Variants in TMEM127 observed in about 807,000 individuals in gnomAD.
TMEM127 encodes transmembrane protein 127.
In TMEM127, 21 loss-of-function variants were observed where a neutral mutation model predicts 20.1. The observed-to-expected ratio is 1.04, with a 90% CI of 0.74 to 1.50. The LOEUF (loss-of-function observed/expected upper bound fraction) is 1.50. Among genes scored for constraint, TMEM127 ranks in the 40% most tolerant of loss-of-function variants. The pLI is 0.00. For synonymous variants in TMEM127, 150 were observed against 144.7 expected, an observed-to-expected ratio of 1.04 and a Z score of -0.26; for missense variants, 303 against 317.4, an observed-to-expected ratio of 0.95 and a Z score of 0.34.
chr2:96,251,499 G>C lies in TMEM127; in HGVS notation c.*2309C>G, dbSNP rs1558750477. 4.5e-6 allele frequency: 1 copy of C among 223,388 alleles called. No homozygotes were observed. Among genetic ancestry groups the C allele is most frequent in the Non-Finnish European group, 8.9e-6 (1 of 111,806 alleles). 13.8% of individuals were successfully genotyped at this position (223,388 alleles called of 1,614,324 possible). On this transcript the variant is annotated 3_prime_UTR_variant, in exon 4 of 4. Transcript: ENST00000258439. ...CATGCCACGTTACACTCCAGCCCGGGTGACAGAGCGAGACTCTTGTCTCAA... is the reference window on the plus strand; with the variant it reads ...CATGCCACGTTACACTCCAGCCCGGCTGACAGAGCGAGACTCTTGTCTCAA...
chr2:96,260,308 C>T (rs1226822371), intron 2 of TMEM127, among the ~76,000 whole-genome samples: 4 of 152,170 alleles, frequency 2.6e-5, no homozygotes, highest in African/African-American at 9.7e-5. Flanking sequence ...CCTTCCTAGA[C>T]GTCGGTACAG....
At chr2:96,258,071 T>G (rs1684246038) in intron 2 of TMEM127, among the ~76,000 whole-genome samples, 1 of 152,200 alleles carries the variant, frequency 6.6e-6, no homozygotes, top group South Asian at 2.1e-4. Context: ...TTCCTGAACT[T>G]GATCTCAGGC....
intron 2 of TMEM127, among the ~76,000 whole-genome samples, chr2:96,257,414 A>G (rs867496049): frequency 2.6e-5 from 4 of 152,078 alleles, no homozygotes; most frequent in Non-Finnish European, 5.9e-5. Flanking sequence ...GTGAGCCGAC[A>G]TCGTGTCACT....
At position 96,249,091 on chromosome 2, in the gene TMEM127, G is replaced by T. The variant is rs951460109; in HGVS notation, c.*4717C>A. The T allele has an allele frequency of 6.7e-4, 148 of 220,152 alleles. No individual in the cohort carries two copies. In the Middle Eastern group the frequency reaches 8.4e-3, roughly 12 times the overall value. 13.6% of individuals were successfully genotyped at this position (220,152 alleles called of 1,614,324 possible). On this transcript the variant is annotated 3_prime_UTR_variant, in exon 4 of 4. Coordinates refer to ENST00000258439, the MANE Select transcript of TMEM127 (RefSeq NM_017849.4). ...GTGAGGAACCTGTGTGTGTGTGTGT[G>T]GTGTGTGTGTGTGTGTGTGTGTGTG...
chr2:96,261,338 C>T (rs1218552059), intron 2 of TMEM127, among the ~76,000 whole-genome samples: 3 of 151,490 alleles, frequency 2.0e-5, no homozygotes, highest in Non-Finnish European at 4.4e-5. Flanking sequence ...TGCAGAGGCA[C>T]GACGATAGTT....
rs1404897312 is a variant in TMEM127, at chr2:96,251,679, T to C, written c.*2129A>G. On this transcript the variant is annotated 3_prime_UTR_variant, in exon 4 of 4. Transcript: ENST00000258439. ...TCGTGGTTTCTGGTTTTTTTGGTTT[T>C]GTTTTCCCTTTTAATTTTTTTCTAG... 4.3e-6 allele frequency: 1 copy of C among 233,090 alleles called. No homozygotes were observed. Among genetic ancestry groups the C allele is most frequent in the African/African-American group, 2.2e-5 (1 of 45,308 alleles). The allele number at this position is 233,090 out of a possible 1,614,324, so 14.4% of individuals were successfully genotyped here.
At chr2:96,264,119 C>T (rs1228629088) in intron 2 of TMEM127, among the ~76,000 whole-genome samples, 1 of 152,206 alleles carries the variant, frequency 6.6e-6, no homozygotes, top group South Asian at 2.1e-4. Flanking sequence ...AGAAAGGCAA[C>T]ATTTGGCCAC....
rs2104282548 is a variant in TMEM127, at chr2:96,253,817, G to A, written c.708C>T (p.Tyr236=). 3 of 1,610,248 alleles carry A rather than the reference G, an allele frequency of 1.9e-6. No homozygotes were observed. Among genetic ancestry groups the A allele is most frequent in the Non-Finnish European group, 2.5e-6 (3 of 1,176,850 alleles). The change falls in exon 4 of 4, where the codon TAC becomes TAT. Residue 236 remains tyrosine, a synonymous_variant. Transcript: ENST00000258439. This position sits in a 1 kb window ranked among gnomAD's most constrained non-coding sequence, Gnocchi z 4.3. Reference sequence around the variant, plus strand: ...GAGCCCAGGGCTGGCATTAGGGTGTGTAAGCAGGGGGTGGCTGGAACTGGT... The same window carrying A: ...GAGCCCAGGGCTGGCATTAGGGTGTATAAGCAGGGGGTGGCTGGAACTGGT... The part of the protein sequence containing the change: ...VINQFQPPPA[Y]TP
rs1684054492 is a variant in TMEM127 at position 96,250,014 on chromosome 2, C to T, written c.*3794G>A. 8.6e-6 allele frequency: 2 copies of T among 233,346 alleles called. No individual in the cohort carries two copies. The highest frequency in any genetic ancestry group is 1.7e-5 in the Non-Finnish European group (2 of 118,128). 14.5% of individuals were successfully genotyped at this position (233,346 alleles called of 1,614,324 possible). A position where few individuals can be genotyped will look rare whatever the true frequency, so the allele number is the denominator to read the frequency against. ...GGCTCCCGCATTCCCAACTCCAGCA[C>T]CTGGCTGAGACACTGGGCCCTGGGA... On this transcript the variant is annotated 3_prime_UTR_variant, in exon 4 of 4. Transcript: ENST00000258439.
rs1182765406 is a variant in TMEM127 at position 96,254,129 on chromosome 2, G to A, written c.410-14C>T. The A allele has an allele frequency of 6.2e-7, 1 of 1,612,876 alleles. No homozygotes were observed. Among genetic ancestry groups the A allele is most frequent in the Non-Finnish European group, 8.5e-7 (1 of 1,180,008 alleles). ...CACACTGCAGAACTAGGAGACAGAG[G>A]GACAGCACAGAAGGGGAATTAGTGA... On this transcript the variant is annotated splice_polypyrimidine_tract_variant and intron_variant, in intron 3 of 3. Transcript: ENST00000258439.
At position 96,265,200 on chromosome 2, in the gene TMEM127, C is replaced by A; in HGVS notation, c.182G>T (p.Cys61Phe). ...GGAGACCCCCAGCTCCTGGCGCGAA[C>A]AGGTGCCTCCGTGGATGTGCAACCA... The part of the protein sequence containing the change: ...PAWLHIHGGT[C>F]SRQELGVSDV... The change falls in exon 2 of 4, where the codon TGT becomes TTT. Residue 61 changes from cysteine (C) to phenylalanine (F), a missense_variant. Coordinates refer to ENST00000258439, the MANE Select transcript of TMEM127 (RefSeq NM_017849.4). 1 of 1,608,410 alleles carries A rather than the reference C, an allele frequency of 6.2e-7. No individual in the cohort carries two copies. Among genetic ancestry groups the A allele is most frequent in the Non-Finnish European group, 8.5e-7 (1 of 1,178,738 alleles).
chr2:96,261,829 C>T (rs1488219611), intron 2 of TMEM127, among the ~76,000 whole-genome samples: 1 of 152,138 alleles, frequency 6.6e-6, no homozygotes, highest in African/African-American at 2.4e-5. Context: ...AAAAAGCAGG[C>T]ATGGGGTGTG....
chr2:96,260,373 G>T (rs1684291493), intron 2 of TMEM127: 1 of 152,230 alleles, frequency 6.6e-6, no homozygotes, highest in Non-Finnish European at 1.5e-5. Context: ...GAAAACCCCT[G>T]AAGGTTATGT....
chr2:96,257,685 G>A (rs777604174), intron 2 of TMEM127, among the ~76,000 whole-genome samples: 4 of 152,178 alleles, frequency 2.6e-5, no homozygotes, highest in Non-Finnish European at 5.9e-5. Flanking sequence ...AGGCCGAGGT[G>A]GGTGGATCGC....
rs71301417 is a variant in TMEM127 at position 96,249,091 on chromosome 2, G to GGTGTGT, written c.*4711_*4716dup. On this transcript the variant is annotated 3_prime_UTR_variant, in exon 4 of 4. Transcript: ENST00000258439. ...GTGAGGAACCTGTGTGTGTGTGTGT[G>GGTGTGT]GTGTGTGTGTGTGTGTGTGTGTGTG... is the stretch of plus-strand genomic sequence containing the variant. 2.0e-3 allele frequency: 444 copies of GGTGTGT among 220,188 alleles called. No individual in the cohort carries two copies. The highest frequency in any genetic ancestry group is 7.6e-3 in the Admixed American group (130 of 17,006). 13.6% of individuals were successfully genotyped at this position (220,188 alleles called of 1,614,324 possible). A position where few individuals can be genotyped will look rare whatever the true frequency, so the allele number is the denominator to read the frequency against.
At chr2:96,257,293 C>T (rs1558753634) in intron 2 of TMEM127, among the ~76,000 whole-genome samples, 1 of 151,768 alleles carries the variant, frequency 6.6e-6, no homozygotes, top group South Asian at 2.1e-4. Flanking sequence ...GAAACCCCGT[C>T]TCTACTAAAA....
In TMEM127 at chr2:96,252,036, C is replaced by A. The variant is rs537225254; in HGVS notation, c.*1772G>T. The A allele has an allele frequency of 9.9e-5, 23 of 233,408 alleles. No individual in the cohort carries two copies. The highest frequency in any genetic ancestry group is 1.7e-4 in the Non-Finnish European group (20 of 117,966). The allele number at this position is 233,408 out of a possible 1,614,324, so 14.5% of individuals were successfully genotyped here. ...GGCTTTGTGCTCAGGCATCACATAG[C>A]AGGCAGCCTGCAGCCTTTCTTGCCT... On this transcript the variant is annotated 3_prime_UTR_variant, in exon 4 of 4. Coordinates refer to ENST00000258439, the MANE Select transcript of TMEM127 (RefSeq NM_017849.4). This position sits in a 1 kb window ranked among gnomAD's most constrained non-coding sequence, Gnocchi z 4.2.
Position 96,250,632 on chromosome 2 carries a change from C to G in TMEM127, c.*3176G>C, listed in dbSNP as rs536118315. 9.4e-5 allele frequency: 22 copies of G among 233,014 alleles called. No homozygotes were observed. The highest frequency in any genetic ancestry group is 1.1e-4 in the Admixed American group (2 of 17,764). 14.4% of individuals were successfully genotyped at this position (233,014 alleles called of 1,614,324 possible). On this transcript the variant is annotated 3_prime_UTR_variant, in exon 4 of 4. Transcript: ENST00000258439. ...ACAAAAGAGACCTAAATGGGCTGCT[C>G]CCTGAAGAGAGCCCTCAGCTCTTTT...
At chr2:96,264,492 A>T (rs1573977029) in intron 2 of TMEM127, among the ~76,000 whole-genome samples, 1 of 152,228 alleles carries the variant, frequency 6.6e-6, no homozygotes, top group Non-Finnish European at 1.5e-5. Context: ...TTTACTGGAG[A>T]CAAGAATGGG....
Sources: gnomAD v4.1 joint callset for allele counts (sites outside exome capture counted in the v4.1 genomes callset) on GRCh38, gnomAD v4.1.1 for gene constraint, Gnocchi (gnomAD v3.1) non-coding constraint, MANE v1.5 for transcripts, NCBI Gene and HGNC (gene_info 2026-07-23, HGNC 2026-07-21) for gene names.